Variants in MMP26 observed in about 807,000 individuals in gnomAD.
The protein encoded by MMP26 is matrix metallopeptidase 26, also known as matrix metalloproteinase-26.
In MMP26, 33 loss-of-function variants were observed where a neutral mutation model predicts 31.0. That is an observed-to-expected ratio of 1.06 (90% CI 0.81 to 1.42). The LOEUF (loss-of-function observed/expected upper bound fraction) is 1.42, where lower values mean the gene tolerates loss of function less well. Among genes scored for constraint, MMP26 ranks in the 40% most tolerant of loss-of-function variants. MMP26 has a pLI of 0.00. For synonymous variants in MMP26, 122 were observed against 114.9 expected (o/e 1.06, Z -0.40); for missense variants, 347 against 316.1 (o/e 1.10, Z -0.74).
chr11:4,838,040 A>G (rs1183219171), intron 2 of MMP26, among the ~76,000 whole-genome samples: 1 of 152,012 alleles, frequency 6.6e-6, no homozygotes, highest in African/African-American at 2.4e-5. Flanking sequence ...TTTGCTGGCC[A>G]GGCACGGTGA....
chr11:4,710,051 A>C, intron 1 of MMP26: 1 of 456,342 alleles, frequency 2.2e-6, no homozygotes. Context: ...TAGTGCCTCT[A>C]CTCCTGCTCC....
intron 2 of MMP26, among the ~76,000 whole-genome samples, chr11:4,966,089 G>A (rs1390435122): frequency 6.6e-6 from 1 of 152,168 alleles, no homozygotes; most frequent in Admixed American, 6.5e-5. Context: ...ATGCATTAGT[G>A]TTAAAAATTA....
intron 2 of MMP26, among the ~76,000 whole-genome samples, chr11:4,826,210 G>C (rs1033677624): frequency 6.6e-5 from 10 of 152,088 alleles, no homozygotes; most frequent in Non-Finnish European, 1.3e-4. Flanking sequence ...CTAAGTGCAA[G>C]GGAAACTGCT....
intron 2 of MMP26, chr11:4,860,579 C>T (rs1231858297): frequency 2.2e-6 from 1 of 446,914 alleles, no homozygotes; most frequent in South Asian, 1.7e-5. Context: ...TTCTCACCAT[C>T]GGGTGGGGCT....
chr11:4,748,536 T>C (rs1180331737), intron 1 of MMP26, among the ~76,000 whole-genome samples: 3 of 149,920 alleles, frequency 2.0e-5, no homozygotes, highest in Non-Finnish European at 4.4e-5. Flanking sequence ...GATGCAAAAA[T>C]TCTTAACAAA....
intron 1 of MMP26, among the ~76,000 whole-genome samples, chr11:4,716,722 T>C (rs10768199): frequency 0.97 from 140,384 of 144,026 alleles, 68,521 homozygotes; most frequent in Non-Finnish European, 0.98. Context: ...AGTGCAATGG[T>C]GCGATCTCAG....
chr11:4,800,602 T>C (rs1849167713), intron 2 of MMP26, among the ~76,000 whole-genome samples: 1 of 152,238 alleles, frequency 6.6e-6, no homozygotes, highest in Non-Finnish European at 1.5e-5. Flanking sequence ...TTTATAGTCA[T>C]ACTAATCTCT....
intron 2 of MMP26, among the ~76,000 whole-genome samples, chr11:4,768,461 T>A (rs1204415714): frequency 6.6e-6 from 1 of 152,246 alleles, no homozygotes; most frequent in African/African-American, 2.4e-5. Context: ...ACTTTTGATC[T>A]TAAAACATTT....
intron 2 of MMP26, among the ~76,000 whole-genome samples, chr11:4,852,487 G>A (rs916537016): frequency 6.6e-6 from 1 of 152,094 alleles, no homozygotes; most frequent in African/African-American, 2.4e-5. Flanking sequence ...ATATCATACA[G>A]AGCATATTCA....
chr11:4,906,234 C>G (rs573144563), intron 2 of MMP26, among the ~76,000 whole-genome samples: 15 of 152,248 alleles, frequency 9.9e-5, no homozygotes, highest in African/African-American at 3.1e-4. Context: ...CTCCATTTCT[C>G]CAACATGTTC....
chr11:4,907,825 C>A, intron 2 of MMP26: 1 of 1,613,666 alleles, frequency 6.2e-7, no homozygotes, highest in South Asian at 1.1e-5. Flanking sequence ...CCATTAGGAG[C>A]ATTCTCTTAG....
chr11:4,746,565 T>G (rs1170817446), intron 1 of MMP26, among the ~76,000 whole-genome samples: 1 of 152,062 alleles, frequency 6.6e-6, no homozygotes, highest in Non-Finnish European at 1.5e-5. Flanking sequence ...GGGCCGGGCA[T>G]GGTGGCTCAC....
chr11:4,871,364 A>G (rs996031005), intron 2 of MMP26, among the ~76,000 whole-genome samples: 1 of 152,052 alleles, frequency 6.6e-6, no homozygotes, highest in Non-Finnish European at 1.5e-5. Context: ...ACAAGGGTAA[A>G]TTTTTCTTTC....
chr11:4,746,659 C>T (rs540246744), intron 1 of MMP26, among the ~76,000 whole-genome samples: 1 of 152,174 alleles, frequency 6.6e-6, no homozygotes, highest in South Asian at 2.1e-4. Context: ...CAAGGTGAAA[C>T]CCCGTCTCTG....
intron 2 of MMP26, among the ~76,000 whole-genome samples, chr11:4,788,734 T>G (rs1848981396): frequency 6.6e-6 from 1 of 151,970 alleles, no homozygotes; most frequent in African/African-American, 2.4e-5. Flanking sequence ...AAGATGAGAG[T>G]TGGGCTCAAA....
At chr11:4,933,412 C>CA (rs1038003352) in intron 2 of MMP26, among the ~76,000 whole-genome samples, 1 of 151,710 alleles carries the variant, frequency 6.6e-6, no homozygotes, top group African/African-American at 2.4e-5. Flanking sequence ...GTTATATATG[C>CA]AAAAACAACA....
intron 1 of MMP26, among the ~76,000 whole-genome samples, chr11:4,734,278 T>A (rs1028143741): frequency 6.6e-6 from 1 of 152,210 alleles, no homozygotes; most frequent in Non-Finnish European, 1.5e-5. Context: ...CACTGAATCA[T>A]CTAGGTCCAT....
chr11:4,915,526 G>C (rs1206070239), intron 2 of MMP26: 1 of 1,613,980 alleles, frequency 6.2e-7, no homozygotes, highest in African/African-American at 1.3e-5. Context: ...TTGTGCAGTT[G>C]CCCGGGATGG....
At chr11:4,889,342 T>C (rs1275173558) in intron 2 of MMP26, among the ~76,000 whole-genome samples, 1 of 152,060 alleles carries the variant, frequency 6.6e-6, no homozygotes, top group African/African-American at 2.4e-5. Context: ...AAAAATACTG[T>C]GTAAATAGTT....
Sources: allele counts gnomAD v4.1 joint callset (sites outside exome capture counted in the v4.1 genomes callset), GRCh38; gene constraint gnomAD v4.1.1; transcripts MANE v1.5; gene names NCBI Gene and HGNC (gene_info 2026-07-23, HGNC 2026-07-21).